The following PODN variants were observed in gnomAD, a reference collection of about 807,000 sequenced individuals.
PODN encodes podocan proteoglycan.
PODN carries 40 observed loss-of-function variants against 52.7 expected under a neutral mutation model. That is an observed-to-expected ratio of 0.76 (90% CI 0.59 to 0.99). The LOEUF (loss-of-function observed/expected upper bound fraction) is 0.99, where lower values mean the gene tolerates loss of function less well. Among genes scored for constraint, PODN ranks in the 50% least tolerant of loss-of-function variants. PODN has a pLI of 0.00. For missense variants in PODN, 720 were observed against 815.1 expected, an observed-to-expected ratio of 0.88 and a Z score of 1.42; for synonymous variants, 396 against 377.9, an observed-to-expected ratio of 1.05 and a Z score of -0.56.
intron 3 of PODN, chr1:53,073,774 A>C (rs982300938): frequency 2.6e-5 from 4 of 152,180 alleles, no homozygotes; most frequent in Non-Finnish European, 5.9e-5. Flanking sequence ...TTGAAGTATC[A>C]TTTATGTACC....
chr1:53,064,998 G>A (rs1216608587), intron 1 of PODN, among the ~76,000 whole-genome samples: 1 of 152,188 alleles, frequency 6.6e-6, no homozygotes, highest in Non-Finnish European at 1.5e-5. Flanking sequence ...GAGCTCCCCT[G>A]TTCTTCCCCA....
intron 8 of PODN, among the ~76,000 whole-genome samples, chr1:53,080,121 G>A (rs1208464585): frequency 6.6e-6 from 1 of 152,164 alleles, no homozygotes; most frequent in Non-Finnish European, 1.5e-5. Context: ...TTTCCTGACT[G>A]CCCTCCCCTG....
intron 8 of PODN, 103 bp from the exon 9 acceptor site, chr1:53,080,625 T>G: frequency 7.9e-7 from 1 of 1,259,074 alleles, no homozygotes; most frequent in Non-Finnish European, 1.1e-6. Flanking sequence ...CCACACAGGG[T>G]TATTGTTAGA....
At chr1:53,083,836 G>A (rs565277798) in intron 10 of PODN, among the ~76,000 whole-genome samples, 26 of 152,224 alleles carry the variant, frequency 1.7e-4, no homozygotes, top group African/African-American at 5.5e-4. Context: ...CTGTGTGGTC[G>A]GAGGAGAGAG....
rs1043723811 is a variant in PODN, at chr1:53,080,761, A to ATCCCCGAGGGGC, written c.1555_1566dup (p.Gly519_Glu522dup). The ATCCCCGAGGGGC allele has an allele frequency of 1.2e-6, 2 of 1,613,972 alleles. No homozygotes were observed. Among genetic ancestry groups the ATCCCCGAGGGGC allele is most frequent in the African/African-American group, 2.7e-5 (2 of 74,932 alleles). On this transcript the variant is annotated inframe_insertion, in exon 9 of 11. Coordinates refer to ENST00000312553, the MANE Select transcript of PODN (RefSeq NM_153703.5). The stretch of plus-strand genomic sequence containing the variant: ...CATCGCCGGGAATCAGCTCACAGAG[A>ATCCCCGAGGGGC]TCCCCGAGGGGCTCCCCGAGTCACT...
intron 1 of PODN, among the ~76,000 whole-genome samples, chr1:53,068,730 A>G (rs1246555322): frequency 1.3e-5 from 2 of 152,174 alleles, no homozygotes; most frequent in South Asian, 2.1e-4. Context: ...ATGTCTTATC[A>G]GAGCCCAGAG....
intron 1 of PODN, among the ~76,000 whole-genome samples, chr1:53,066,059 G>A (rs1055628692): frequency 6.1e-5 from 9 of 148,390 alleles, no homozygotes; most frequent in South Asian, 2.1e-4. Flanking sequence ...GTAGGGGTGC[G>A]ATCACGGCTC....
At chr1:53,063,195 C>A (rs1256732530) in intron 1 of PODN, among the ~76,000 whole-genome samples, 1 of 152,162 alleles carries the variant, frequency 6.6e-6, no homozygotes, top group Non-Finnish European at 1.5e-5. Context: ...GGGGCTGGGG[C>A]TAGGAGAGGC....
chr1:53,063,917 C>A (rs1643997067), intron 1 of PODN, among the ~76,000 whole-genome samples: 1 of 152,080 alleles, frequency 6.6e-6, no homozygotes. Flanking sequence ...GCCCTGTTGA[C>A]CCTTCCTTAA....
rs1161921856 is a variant in PODN, at chr1:53,070,228, C to G, written c.312+61C>G. On this transcript the variant is annotated intron_variant, in intron 2 of 10. Transcript: ENST00000312553. ...GTCCCACACACCCTTGGTTCCCATCCCAGAACCCTGACACTCCAAGCAAAC... is the reference window on the plus strand; with the variant it reads ...GTCCCACACACCCTTGGTTCCCATCGCAGAACCCTGACACTCCAAGCAAAC... The G allele has an allele frequency of 7.6e-6, 12 of 1,582,858 alleles. No homozygotes were observed. The East Asian group carries it at 1.8e-4, about 24-fold the overall frequency.
At chr1:53,068,017 A>G (rs1644057489) in intron 1 of PODN, among the ~76,000 whole-genome samples, 1 of 149,672 alleles carries the variant, frequency 6.7e-6, no homozygotes, top group Non-Finnish European at 1.5e-5. Context: ...GTGGTGTGGC[A>G]GGGGTGCAGA....
At chr1:53,080,447 C>T (rs576603793) in intron 8 of PODN, among the ~76,000 whole-genome samples, 1 of 152,284 alleles carries the variant, frequency 6.6e-6, no homozygotes, top group Admixed American at 6.5e-5. Context: ...TGTGGGAAGG[C>T]ACAAGAAGCT....
At chr1:53,080,643 A>T in intron 8 of PODN, 85 bp from the exon 9 acceptor site, 1 of 1,424,264 alleles carries the variant, frequency 7.0e-7, no homozygotes, top group Non-Finnish European at 9.6e-7. Flanking sequence ...AGATTTAGAT[A>T]GGCTGGGGGC....
intron 5 of PODN, among the ~76,000 whole-genome samples, chr1:53,076,340 G>A (rs1018684909): frequency 3.9e-5 from 6 of 152,188 alleles, no homozygotes; most frequent in Non-Finnish European, 8.8e-5. Context: ...GGCTGCCGGG[G>A]AGCCGCCTCC....
At chr1:53,069,081 G>A (rs1038291717) in intron 1 of PODN, among the ~76,000 whole-genome samples, 3 of 152,202 alleles carry the variant, frequency 2.0e-5, no homozygotes, top group Non-Finnish European at 4.4e-5. Context: ...ACAGCTCTCT[G>A]TGGGAAGAAG....
At chr1:53,066,998 G>A in intron 1 of PODN, 2 of 852,000 alleles carry the variant, frequency 2.3e-6, no homozygotes, top group Non-Finnish European at 3.6e-6. Context: ...ACTACAGTGG[G>A]GTCAGATGGG....
At chr1:53,067,946 A>T (rs1644056687) in intron 1 of PODN, among the ~76,000 whole-genome samples, 1 of 151,050 alleles carries the variant, frequency 6.6e-6, no homozygotes, top group South Asian at 2.1e-4. Context: ...GCCCAGCAAG[A>T]TCTACAAGAT....
intron 4 of PODN, 92 bp from the exon 5 acceptor site, chr1:53,075,770 G>A: frequency 1.9e-6 from 2 of 1,056,958 alleles, no homozygotes; most frequent in Non-Finnish European, 2.8e-6. Context: ...GGGAGACACA[G>A]TGAAGGGGCC....
At chr1:53,070,335 G>A (rs947620603) in intron 2 of PODN, among the ~76,000 whole-genome samples, 168 bp downstream of exon 2, 1 of 152,180 alleles carries the variant, frequency 6.6e-6, no homozygotes, top group African/African-American at 2.4e-5. Context: ...CTGGGGCCCT[G>A]GCCGCACCAG....
Sources: allele counts gnomAD v4.1 joint callset (sites outside exome capture counted in the v4.1 genomes callset), GRCh38; gene constraint gnomAD v4.1.1; transcripts MANE v1.5; gene names NCBI Gene and HGNC (gene_info 2026-07-23, HGNC 2026-07-21).